TIAM1: variants seen among roughly 807,000 people sequenced by gnomAD.
TIAM1 encodes the protein rho guanine nucleotide exchange factor TIAM1.
In TIAM1, 65 loss-of-function variants were observed where a neutral mutation model predicts 163.5. The ratio of observed to expected loss-of-function variants is 0.40; its 90% CI spans 0.33 to 0.49. TIAM1 has a LOEUF of 0.49. Ranked by LOEUF, TIAM1 falls within the 20% of genes least tolerant of loss-of-function variation. TIAM1 has a pLI of 0.77. For missense variants in TIAM1, 1,789 were observed against 2,044.7 expected (o/e 0.87, Z 2.41); for synonymous variants, 833 against 810.1 (o/e 1.03, Z -0.48).
At chr21:31,299,535 A>T (rs1171746567) in intron 2 of TIAM1, among the ~76,000 whole-genome samples, 1 of 152,222 alleles carries the variant, frequency 6.6e-6, no homozygotes, top group African/African-American at 2.4e-5. Context: ...GTTAATTATT[A>T]ATCTTGAAAT....
intron 12 of TIAM1, among the ~76,000 whole-genome samples, chr21:31,201,695 T>C (rs187489978): frequency 1.5e-4 from 23 of 152,330 alleles, no homozygotes; most frequent in African/African-American, 5.3e-4. Flanking sequence ...GGTTTAAATG[T>C]TCAGTTCCGC....
At chr21:31,332,884 A>C (rs2075722037) in intron 2 of TIAM1, among the ~76,000 whole-genome samples, 1 of 152,086 alleles carries the variant, frequency 6.6e-6, no homozygotes, top group East Asian at 1.9e-4. Context: ...AAATATTGAG[A>C]AAGGTGAAGC....
chr21:31,526,067 A>C (rs2047774135), intron 1 of TIAM1, among the ~76,000 whole-genome samples: 1 of 151,526 alleles, frequency 6.6e-6, no homozygotes, highest in African/African-American at 2.4e-5. Flanking sequence ...ATCTCATCCA[A>C]GTGAGCACAA....
intron 23 of TIAM1, among the ~76,000 whole-genome samples, chr21:31,134,467 T>C (rs540043480): frequency 6.6e-6 from 1 of 152,322 alleles, no homozygotes; most frequent in Non-Finnish European, 1.5e-5. Flanking sequence ...CAATATTCCT[T>C]TGAATGGCCT....
At chr21:31,522,361 T>C (rs574646553) in intron 1 of TIAM1, among the ~76,000 whole-genome samples, 175 of 151,036 alleles carry the variant, frequency 1.2e-3, no homozygotes, top group Non-Finnish European at 1.9e-3. Flanking sequence ...ACAAAAAAAC[T>C]CAGCCAGGCA....
chr21:31,521,745 A>ACACAC (rs2047595411), intron 1 of TIAM1, among the ~76,000 whole-genome samples: 1 of 146,862 alleles, frequency 6.8e-6, no homozygotes, highest in East Asian at 2.0e-4. Flanking sequence ...CTCACACACA[A>ACACAC]ACACACACAC....
intron 6 of TIAM1, among the ~76,000 whole-genome samples, chr21:31,228,259 A>G (rs1474979117): frequency 4.8e-4 from 40 of 82,826 alleles, no homozygotes; most frequent in Admixed American, 2.0e-3. Flanking sequence ...AAAAAAAAAA[A>G]GGAAGGAAAA....
intron 2 of TIAM1, among the ~76,000 whole-genome samples, chr21:31,463,494 T>G (rs576616305): frequency 6.6e-5 from 10 of 152,238 alleles, no homozygotes; most frequent in Admixed American, 6.5e-5. Flanking sequence ...TGCTCTTGCC[T>G]CACTTCCAAC....
At chr21:31,298,769 A>T (rs28616644) in intron 2 of TIAM1, among the ~76,000 whole-genome samples, 4,686 of 78,062 alleles carry the variant, frequency 0.06, 214 homozygotes, top group African/African-American at 0.2. Flanking sequence ...TGTGTGTGTG[A>T]GAAACAGAGA....
At chr21:31,449,495 C>T (rs1244936283) in intron 2 of TIAM1, among the ~76,000 whole-genome samples, 1 of 152,024 alleles carries the variant, frequency 6.6e-6, no homozygotes, top group African/African-American at 2.4e-5. Context: ...TCTCCTGCCT[C>T]GGCCTCCTGA....
intron 1 of TIAM1, among the ~76,000 whole-genome samples, chr21:31,534,715 T>C (rs2048072671): frequency 6.6e-6 from 1 of 152,116 alleles, no homozygotes; most frequent in Non-Finnish European, 1.5e-5. Flanking sequence ...TCTTAATTTC[T>C]ACCTGCCTGG....
intron 2 of TIAM1, among the ~76,000 whole-genome samples, chr21:31,455,439 T>C (rs1391338836): frequency 2.0e-5 from 3 of 148,730 alleles, no homozygotes; most frequent in Non-Finnish European, 4.4e-5. Context: ...TGAGACGGAG[T>C]CTCACTCTTG....
chr21:31,489,520 AAGGG>A lies in TIAM1; in HGVS notation c.-421-25489_-421-25486del, dbSNP rs560144126. ...GAGGGAGGGAGACAGGGAGGGAAGG[AAGGG>A]AGGGAGGGAGGGAGGGAGGGAAAAT... On this transcript the variant is annotated intron_variant, in intron 1 of 28. Transcript: ENST00000286827. Among the ~76,000 whole-genome samples the A allele has an allele frequency of 2.8e-3, 296 of 105,864 alleles. 1 individual carries two copies. Among genetic ancestry groups the A allele is most frequent in the Admixed American group, 3.7e-3 (37 of 9,892 alleles). The allele number at this position is 105,864 out of a possible 152,430, so 69.5% of individuals were successfully genotyped here. A position where few individuals can be genotyped will look rare whatever the true frequency, so the allele number is the denominator to read the frequency against.
intron 2 of TIAM1, among the ~76,000 whole-genome samples, chr21:31,418,341 CAAAAAAAAA>C (rs71193114): frequency 2.9e-5 from 1 of 34,730 alleles, no homozygotes; most frequent in Non-Finnish European, 6.1e-5. Flanking sequence ...GACTCTGTCT[CAAAAAAAAA>C]AAAAAAAAAA....
intron 15 of TIAM1, among the ~76,000 whole-genome samples, chr21:31,177,065 G>C (rs2084796572): frequency 6.6e-6 from 1 of 152,236 alleles, no homozygotes; most frequent in African/African-American, 2.4e-5. Context: ...CTGAAAAAGA[G>C]CAATCTCTGG....
intron 2 of TIAM1, among the ~76,000 whole-genome samples, chr21:31,363,854 T>A (rs542178): frequency 6.6e-6 from 1 of 151,872 alleles, no homozygotes; most frequent in African/African-American, 2.4e-5. Context: ...CAAGGAAGTA[T>A]CTCTGAAACC....
At chr21:31,397,514 AT>A (rs1255868689) in intron 2 of TIAM1, among the ~76,000 whole-genome samples, 1 of 152,202 alleles carries the variant, frequency 6.6e-6, no homozygotes, top group African/African-American at 2.4e-5. Flanking sequence ...AACATTTCTA[AT>A]TTAAATCATG....
chr21:31,274,789 G>C (rs1339787043), intron 3 of TIAM1, among the ~76,000 whole-genome samples: 1 of 152,154 alleles, frequency 6.6e-6, no homozygotes, highest in Non-Finnish European at 1.5e-5. Flanking sequence ...TACAGACCTT[G>C]AGACAGCTAA....
At chr21:31,475,507 C>T (rs1298003269) in intron 1 of TIAM1, among the ~76,000 whole-genome samples, 1 of 152,236 alleles carries the variant, frequency 6.6e-6, no homozygotes, top group Non-Finnish European at 1.5e-5. Flanking sequence ...TTCTTCATCT[C>T]TTCCCCTTCC....
Sources: allele counts gnomAD v4.1 joint callset (sites outside exome capture counted in the v4.1 genomes callset), GRCh38; gene constraint gnomAD v4.1.1; transcripts MANE v1.5; gene names NCBI Gene and HGNC (gene_info 2026-07-23, HGNC 2026-07-21).